Variants in RSPH14 observed in about 807,000 individuals in gnomAD.
RSPH14 encodes the protein radial spoke head 14 homolog, also known as rhabdoid tumor deletion region gene 1.
In RSPH14, 20 loss-of-function variants were observed where a neutral mutation model predicts 26.7. The ratio of observed to expected loss-of-function variants is 0.75; its 90% CI spans 0.53 to 1.09. The LOEUF is 1.09. RSPH14 is among the 50% of genes least tolerant of loss of function. The probability of loss-of-function intolerance (pLI) is 0.00; values close to 1 mark genes in which losing one functional copy is unlikely to be tolerated. For synonymous variants in RSPH14, 177 were observed against 189.3 expected (o/e 0.93, Z 0.53); for missense variants, 449 against 457.2 (o/e 0.98, Z 0.16).
At chr22:23,126,789 G>A (rs540161857) in intron 4 of RSPH14, among the ~76,000 whole-genome samples, 1 of 152,308 alleles carries the variant, frequency 6.6e-6, no homozygotes, top group South Asian at 2.1e-4. Context: ...ATCCCGCCTT[G>A]TCCTACTTCA....
chr22:23,152,520 T>G, the RSPH14 span: 4 of 1,614,120 alleles, frequency 2.5e-6, no homozygotes, highest in Non-Finnish European at 3.4e-6. Context: ...ACCAGCCTCA[T>G]CCACAGGTAC....
rs115804244 is a variant in RSPH14, at chr22:23,134,015, C to A, written c.421+11G>T. The A allele has an allele frequency of 6.2e-7, 1 of 1,605,158 alleles. No homozygotes were observed. Among genetic ancestry groups the A allele is most frequent in the South Asian group, 1.1e-5 (1 of 90,898 alleles). On this transcript the variant is annotated intron_variant, in intron 4 of 6. Coordinates refer to ENST00000216036, the MANE Select transcript of RSPH14 (RefSeq NM_014433.3). ...GTGCCCGACAGATCTGTGTGCAGGA[C>A]GCAAGCCTACCTCTAGGCACCTGGA...
At chr22:23,083,063 G>A (rs1425364049) in intron 4 of RSPH14, among the ~76,000 whole-genome samples, 1 of 152,152 alleles carries the variant, frequency 6.6e-6, no homozygotes, top group Non-Finnish European at 1.5e-5. Flanking sequence ...TGAAGGAGGA[G>A]GGTGGGCAGG....
At chr22:23,108,910 G>A (rs1218627991) in intron 4 of RSPH14, among the ~76,000 whole-genome samples, 1 of 152,248 alleles carries the variant, frequency 6.6e-6, no homozygotes, top group Non-Finnish European at 1.5e-5. Context: ...CGAGGCAGGA[G>A]ACATGCTGTG....
intron 5 of RSPH14, 84 bp downstream of exon 5, chr22:23,063,818 G>T: frequency 7.5e-7 from 1 of 1,325,304 alleles, no homozygotes; most frequent in Non-Finnish European, 1.1e-6. Flanking sequence ...CAGGCCCAGG[G>T]TGGCCGCCCT....
At chr22:23,127,771 G>A (rs1012895137) in intron 4 of RSPH14, among the ~76,000 whole-genome samples, 1 of 152,182 alleles carries the variant, frequency 6.6e-6, no homozygotes, top group Non-Finnish European at 1.5e-5. Flanking sequence ...TGACTCCAGG[G>A]ATGTCCCCTG....
chr22:23,096,082 A>T (rs780812299), intron 4 of RSPH14: 1 of 1,609,126 alleles, frequency 6.2e-7, no homozygotes, highest in Non-Finnish European at 8.5e-7. Context: ...GTGTCATGCG[A>T]CGGCTCTGGG....
chr22:23,090,507 A>T (rs1257561975), intron 4 of RSPH14, among the ~76,000 whole-genome samples: 2 of 151,856 alleles, frequency 1.3e-5, no homozygotes, highest in African/African-American at 4.8e-5. Context: ...GGCACTTCTC[A>T]CCCAAACCCT....
intron 3 of RSPH14, among the ~76,000 whole-genome samples, chr22:23,135,725 A>G (rs1326789215): frequency 6.6e-6 from 1 of 152,098 alleles, no homozygotes. Flanking sequence ...GGATTGATGA[A>G]TGCCTTATCA....
chr22:23,060,850 G>T (rs961345261), intron 6 of RSPH14, among the ~76,000 whole-genome samples: 1 of 152,186 alleles, frequency 6.6e-6, no homozygotes, highest in African/African-American at 2.4e-5. Flanking sequence ...TTGGGAATAA[G>T]TGGCCTCATC....
chr22:23,095,645 G>A, intron 4 of RSPH14: 1 of 1,548,578 alleles, frequency 6.5e-7, no homozygotes, highest in Middle Eastern at 2.4e-4. Context: ...GTGGCAAGAG[G>A]GAGAGGTGCC....
chr22:23,141,085 T>C (rs2070591447), intron 1 of RSPH14, among the ~76,000 whole-genome samples: 1 of 152,172 alleles, frequency 6.6e-6, no homozygotes, highest in African/African-American at 2.4e-5. Flanking sequence ...ATCCCAGCAC[T>C]TTGGGAGGCC....
chr22:23,101,445 C>T (rs931240345), intron 4 of RSPH14, among the ~76,000 whole-genome samples: 1 of 152,194 alleles, frequency 6.6e-6, no homozygotes, highest in Admixed American at 6.5e-5. Flanking sequence ...GACAGTGACA[C>T]CTGGGCTTGG....
intron 4 of RSPH14, among the ~76,000 whole-genome samples, chr22:23,073,948 C>T (rs1296866173): frequency 1.3e-5 from 2 of 152,000 alleles, no homozygotes; most frequent in Admixed American, 6.6e-5. Context: ...GGGACTGACA[C>T]AGTGCCATGC....
rs143853104 is a variant in RSPH14, at chr22:23,123,251, G to A, written c.421+10775C>T. On this transcript the variant is annotated intron_variant, in intron 4 of 6. Coordinates refer to ENST00000216036, the MANE Select transcript of RSPH14 (RefSeq NM_014433.3). The stretch of plus-strand genomic sequence containing the variant: ...TTCCCGAGTACAAGGGCCAGAACAC[G>A]TACGAGGAGGCCGCTGTCTACATCC... The A allele has an allele frequency of 9.5e-5, 153 of 1,614,120 alleles. 2 individuals are homozygous for A. The highest frequency in any genetic ancestry group is 8.2e-4 in the Middle Eastern group (5 of 6,062).
At chr22:23,149,983 C>A (rs2071008850), upstream of RSPH14, 1 of 1,112,944 alleles carries the variant, frequency 9.0e-7, no homozygotes, top group Admixed American at 2.0e-5. Context: ...CTGGGAAGAT[C>A]ATCTCCCCTC....
rs554937289 is a variant in RSPH14, at chr22:23,072,141, G to A, written c.422-8008C>T. 3.6e-4 allele frequency among the ~76,000 whole-genome samples: 55 copies of A among 152,240 alleles called. No homozygotes were observed. The South Asian group carries it at 6.6e-3, about 18-fold the overall frequency. On this transcript the variant is annotated intron_variant, in intron 4 of 6. Transcript: ENST00000216036. ...CTGTGCTTCCAGGCACTTCTCCCTC[G>A]GGCACAGCCAGGGCACTGGGTAACC...
chr22:23,141,634 C>T (rs1480009213), intron 1 of RSPH14, among the ~76,000 whole-genome samples: 3 of 152,204 alleles, frequency 2.0e-5, no homozygotes, highest in African/African-American at 4.8e-5. Flanking sequence ...GTAGAATGGA[C>T]AGGCCACAGG....
At chr22:23,141,223 G>A (rs1171333242) in intron 1 of RSPH14, among the ~76,000 whole-genome samples, 1 of 151,888 alleles carries the variant, frequency 6.6e-6, no homozygotes, top group African/African-American at 2.4e-5. Flanking sequence ...CAGCTACTCG[G>A]GAGGCTGAGG....
Sources: gnomAD v4.1 joint callset for allele counts (sites outside exome capture counted in the v4.1 genomes callset) on GRCh38, gnomAD v4.1.1 for gene constraint, MANE v1.5 for transcripts, NCBI Gene and HGNC (gene_info 2026-07-23, HGNC 2026-07-21) for gene names.